Variants in ANKRD30B observed in about 807,000 individuals in gnomAD.
The protein encoded by ANKRD30B is ankyrin repeat domain 30B.
In ANKRD30B, 144 loss-of-function variants were observed where a neutral mutation model predicts 202.2. The observed-to-expected ratio is 0.71, with a 90% CI of 0.62 to 0.82. The LOEUF is 0.82. ANKRD30B is among the 40% of genes least tolerant of loss of function. ANKRD30B has a pLI of 0.00. For synonymous variants in ANKRD30B, 508 were observed against 561.3 expected (o/e 0.91, Z 1.34); for missense variants, 1,487 against 1,669.1 (o/e 0.89, Z 1.90).
chr18:14,923,002 C>A, the ANKRD30B span, among the ~76,000 whole-genome samples: 2 of 152,126 alleles, frequency 1.3e-5, no homozygotes, highest in Non-Finnish European at 2.9e-5. Context: ...CTAGACACAT[C>A]CTGGGCCAGG....
chr18:14,760,266 A>G (rs184432164), intron 5 of ANKRD30B, among the ~76,000 whole-genome samples: 149 of 152,332 alleles, frequency 9.8e-4, no homozygotes, highest in Middle Eastern at 6.8e-3. Flanking sequence ...TAACTGCGCT[A>G]GGACTTTTTC....
intron 5 of ANKRD30B, among the ~76,000 whole-genome samples, chr18:14,758,698 C>G (rs1347745489): frequency 6.6e-6 from 1 of 152,206 alleles, no homozygotes; most frequent in African/African-American, 2.4e-5. Flanking sequence ...AAACCCACAT[C>G]TTAGCCCGGA....
At chr18:14,873,106 G>A in the ANKRD30B span, among the ~76,000 whole-genome samples, 580 of 152,310 alleles carry the variant, frequency 3.8e-3, 5 homozygotes, top group Middle Eastern at 6.8e-3. Flanking sequence ...ACAGTGGAAC[G>A]TAGGAAGAGA....
At chr18:14,756,602 A>G (rs1309655937) in intron 4 of ANKRD30B, among the ~76,000 whole-genome samples, 1 of 152,218 alleles carries the variant, frequency 6.6e-6, no homozygotes, top group Non-Finnish European at 1.5e-5. Flanking sequence ...TTTTTAAAAA[A>G]TGCAATATTT....
intron 37 of ANKRD30B, among the ~76,000 whole-genome samples, 152 bp from the exon 38 acceptor site, chr18:14,842,745 C>T (rs1971467546): frequency 6.6e-6 from 1 of 151,928 alleles, no homozygotes; most frequent in Non-Finnish European, 1.5e-5. Flanking sequence ...ATGTGATTGT[C>T]CTAAAGAAAC....
the ANKRD30B span, among the ~76,000 whole-genome samples, chr18:14,897,594 T>A: frequency 6.6e-6 from 1 of 151,714 alleles, no homozygotes; most frequent in South Asian, 2.1e-4. Flanking sequence ...ATAAATAAAG[T>A]TAGCATAATA....
the ANKRD30B span, among the ~76,000 whole-genome samples, chr18:14,922,778 A>C: frequency 6.6e-6 from 1 of 152,192 alleles, no homozygotes; most frequent in Non-Finnish European, 1.5e-5. Context: ...ACATAGAAAG[A>C]CACCAGCCCA....
At chr18:14,925,859 G>A in the ANKRD30B span, among the ~76,000 whole-genome samples, 1 of 152,190 alleles carries the variant, frequency 6.6e-6, no homozygotes, top group Non-Finnish European at 1.5e-5. Context: ...AAGAAGGAGG[G>A]CACCTGACCC....
At chr18:14,929,783 G>A in the ANKRD30B span, among the ~76,000 whole-genome samples, 1 of 152,128 alleles carries the variant, frequency 6.6e-6, no homozygotes, top group Non-Finnish European at 1.5e-5. Context: ...TACAAGATAT[G>A]TGCATGCATG....
At chr18:14,830,429 A>T (rs2792556) in intron 33 of ANKRD30B, among the ~76,000 whole-genome samples, 2 of 151,354 alleles carry the variant, frequency 1.3e-5, no homozygotes, top group Admixed American at 1.3e-4. Flanking sequence ...TGTGAGAAAA[A>T]TATTCCCAAT....
At chr18:14,918,551 C>A in the ANKRD30B span, among the ~76,000 whole-genome samples, 1 of 152,106 alleles carries the variant, frequency 6.6e-6, no homozygotes, top group Non-Finnish European at 1.5e-5. Context: ...CATGAGATAT[C>A]CCAATATCCA....
chr18:14,764,003 C>T lies in ANKRD30B; in HGVS notation c.1138C>T (p.Pro380Ser), dbSNP rs1423406480. Residue 380 changes from proline to serine, a missense_variant, in exon 7 of 44, where the codon CCT (proline) becomes TCT (serine). This residue lies in a region of ANKRD30B where 889 missense variants were observed against 841.4 expected (regional missense o/e 1.06). Coordinates refer to ENST00000690538, the MANE Select transcript of ANKRD30B (RefSeq NM_001367607.2). ...GACTGAATGCGTGGCAGGAGTAACA[C>T]CTAATAAAACTGAAGTTTTGGAAAA... ...VKTECVAGVTPNKTEVLEKGT... is the reference protein window; with the variant it reads ...VKTECVAGVTSNKTEVLEKGT... 6.4e-7 allele frequency: 1 copy of T among 1,566,532 alleles called. No homozygotes were observed. Among genetic ancestry groups the T allele is most frequent in the South Asian group, 1.2e-5 (1 of 83,800 alleles).
rs184262248 is a variant in ANKRD30B at position 14,760,120 on chromosome 18, A to C, written c.756-434A>C. 3.5e-4 allele frequency among the ~76,000 whole-genome samples: 54 copies of C among 152,318 alleles called. No individual in the cohort carries two copies. The East Asian group carries it at 9.8e-3, about 28-fold the overall frequency. On this transcript the variant is annotated intron_variant, in intron 5 of 43. Coordinates refer to ENST00000690538, the MANE Select transcript of ANKRD30B (RefSeq NM_001367607.2). Reference sequence around the variant, plus strand: ...GAATAAATTATTTCATTGCTTCACTATTTCTTTGAGCATTTTAAAAATGTT... The same window carrying C: ...GAATAAATTATTTCATTGCTTCACTCTTTCTTTGAGCATTTTAAAAATGTT...
At chr18:14,796,458 T>G in intron 18 of ANKRD30B, 43 bp downstream of exon 18, 2 of 1,507,366 alleles carry the variant, frequency 1.3e-6, no homozygotes, top group Non-Finnish European at 1.8e-6. Flanking sequence ...TTAAGAATAT[T>G]AAACTATTTG....
At chr18:14,829,952 C>T (rs1185521184) in intron 33 of ANKRD30B, among the ~76,000 whole-genome samples, 1 of 152,142 alleles carries the variant, frequency 6.6e-6, no homozygotes, top group Admixed American at 6.5e-5. Context: ...CTCTGATGTC[C>T]TACCCATGTA....
chr18:14,927,650 C>G, the ANKRD30B span, among the ~76,000 whole-genome samples: 1 of 152,156 alleles, frequency 6.6e-6, no homozygotes, highest in Non-Finnish European at 1.5e-5. Flanking sequence ...TCACCTCCTC[C>G]TCCTGTGCTT....
At chr18:14,834,445 T>C (rs1424433576) in intron 34 of ANKRD30B, among the ~76,000 whole-genome samples, 2 of 152,042 alleles carry the variant, frequency 1.3e-5, no homozygotes, top group Non-Finnish European at 2.9e-5. Context: ...CAGATTCTTA[T>C]AAAAGCACAG....
chr18:14,779,918 A>T, intron 10 of ANKRD30B, 42 bp from the exon 11 acceptor site: 1 of 1,348,194 alleles, frequency 7.4e-7, no homozygotes, highest in South Asian at 1.3e-5. Context: ...AATTTATAAT[A>T]AGGAATGCTC....
chr18:14,788,590 C>T (rs1304295577), intron 15 of ANKRD30B, among the ~76,000 whole-genome samples: 2 of 152,000 alleles, frequency 1.3e-5, no homozygotes, highest in Non-Finnish European at 2.9e-5. Flanking sequence ...TTCCCCTTCC[C>T]ATGTCCATGT....
Sources: gnomAD v4.1 joint callset for allele counts (sites outside exome capture counted in the v4.1 genomes callset) on GRCh38, gnomAD v4.1.1 for gene constraint, gnomAD v4.1.1 regional missense constraint, MANE v1.5 for transcripts, NCBI Gene and HGNC (gene_info 2026-07-23, HGNC 2026-07-21) for gene names.